EBF1: variants seen among roughly 807,000 people sequenced by gnomAD.
EBF1 encodes EBF transcription factor 1.
EBF1 carries 10 observed loss-of-function variants against 68.4 expected under a neutral mutation model. The ratio of observed to expected loss-of-function variants is 0.15; its 90% CI spans 0.09 to 0.25. EBF1 has a LOEUF of 0.25. Among genes scored for constraint, EBF1 ranks in the 10% least tolerant of loss-of-function variants. The pLI is 1.00. For missense variants in EBF1, 509 were observed against 794.4 expected (o/e 0.64, Z 4.32); for synonymous variants, 298 against 299.8 (o/e 0.99, Z 0.06).
intron 6 of EBF1, among the ~76,000 whole-genome samples, chr5:158,872,767 G>A (rs1004254286): frequency 6.6e-6 from 1 of 152,008 alleles, no homozygotes; most frequent in Non-Finnish European, 1.5e-5. Flanking sequence ...TTTTCTGTGT[G>A]TACATTTTTG....
intron 6 of EBF1, among the ~76,000 whole-genome samples, chr5:159,005,440 T>C (rs1320561272): frequency 6.6e-6 from 1 of 152,226 alleles, no homozygotes; most frequent in East Asian, 1.9e-4. Context: ...TTATTCTGTA[T>C]TCCAAGGGAC....
At chr5:158,900,506 G>A (rs758342184) in intron 6 of EBF1, among the ~76,000 whole-genome samples, 185 of 152,310 alleles carry the variant, frequency 1.2e-3, no homozygotes, top group African/African-American at 2.2e-3. Context: ...CATGAGGCCC[G>A]GAAATTGATA....
At chr5:158,722,170 A>G (rs1255843870) in intron 11 of EBF1, among the ~76,000 whole-genome samples, 1 of 152,162 alleles carries the variant, frequency 6.6e-6, no homozygotes, top group Non-Finnish European at 1.5e-5. Context: ...TGATCAGGAT[A>G]AAAGTCTCTG....
intron 6 of EBF1, among the ~76,000 whole-genome samples, chr5:159,065,853 T>A (rs981526028): frequency 6.6e-6 from 1 of 152,142 alleles, no homozygotes; most frequent in African/African-American, 2.4e-5. Context: ...CAGGGTAGGA[T>A]TTACTGGCAT....
intron 1 of EBF1, among the ~76,000 whole-genome samples, chr5:159,098,889 GAAAGAA>G (rs1183767188): frequency 5.3e-5 from 7 of 132,662 alleles, no homozygotes; most frequent in South Asian, 2.5e-4. Context: ...AAGAAAAAAA[GAAAGAA>G]AAAGAAAAAA....
intron 10 of EBF1, 125 bp downstream of exon 10, chr5:158,777,288 G>A (rs1775489358): frequency 8.8e-7 from 1 of 1,141,900 alleles, no homozygotes. Context: ...ATGGTAAAAT[G>A]AAGAAAGAAA....
intron 6 of EBF1, among the ~76,000 whole-genome samples, chr5:158,972,115 A>T (rs1561670661): frequency 6.6e-6 from 1 of 152,096 alleles, no homozygotes; most frequent in African/African-American, 2.4e-5. Context: ...GTCCGTGCTG[A>T]TTGTCCATGA....
chr5:158,738,640 C>T (rs533734962), intron 10 of EBF1, among the ~76,000 whole-genome samples: 5 of 152,182 alleles, frequency 3.3e-5, no homozygotes, highest in African/African-American at 7.2e-5. Flanking sequence ...ATGCCCTTGA[C>T]GTAAATGTTA....
intron 6 of EBF1, among the ~76,000 whole-genome samples, chr5:159,010,076 T>C (rs961730164): frequency 2.6e-5 from 4 of 152,244 alleles, no homozygotes; most frequent in African/African-American, 9.6e-5. Flanking sequence ...TGAATGATGA[T>C]GCCAGGTGAG....
intron 6 of EBF1, among the ~76,000 whole-genome samples, chr5:158,904,371 C>T (rs1408784812): frequency 6.6e-6 from 1 of 152,198 alleles, no homozygotes; most frequent in African/African-American, 2.4e-5. Flanking sequence ...GGACTAAATG[C>T]CATTCATTAC....
intron 6 of EBF1, among the ~76,000 whole-genome samples, chr5:159,016,654 A>AGGGCC (rs1462802821): frequency 3.9e-5 from 6 of 152,202 alleles, no homozygotes; most frequent in African/African-American, 1.4e-4. Flanking sequence ...CTATGACTGC[A>AGGGCC]ATGCCAGGTG....
At position 159,040,862 on chromosome 5, in the gene EBF1, A is replaced by G. The variant is rs554911183; in HGVS notation, c.554+32534T>C. On this transcript the variant is annotated intron_variant, in intron 6 of 15. Coordinates refer to ENST00000313708, the MANE Select transcript of EBF1 (RefSeq NM_024007.5). ...TCCTGCTGGTAAGCACATAGCTTTCACTGATGCCGATGGGGGTGACATATA... is the reference window on the plus strand; with the variant it reads ...TCCTGCTGGTAAGCACATAGCTTTCGCTGATGCCGATGGGGGTGACATATA... 3.3e-5 allele frequency among the ~76,000 whole-genome samples: 5 copies of G among 152,336 alleles called. No individual in the cohort carries two copies. The South Asian group carries it at 1.0e-3, about 32-fold the overall frequency.
chr5:158,968,499 CT>C (rs1202176206), intron 6 of EBF1, among the ~76,000 whole-genome samples: 5 of 152,186 alleles, frequency 3.3e-5, no homozygotes, highest in African/African-American at 9.6e-5. Flanking sequence ...CAGAATGTCT[CT>C]TGTTTTTCTG....
chr5:158,779,940 A>T (rs1015033467), intron 9 of EBF1, among the ~76,000 whole-genome samples: 1 of 152,170 alleles, frequency 6.6e-6, no homozygotes, highest in African/African-American at 2.4e-5. Flanking sequence ...TAAAGCAGAG[A>T]TTCCTTCTAA....
chr5:158,819,492 A>G (rs1395792194), intron 8 of EBF1, among the ~76,000 whole-genome samples: 1 of 152,242 alleles, frequency 6.6e-6, no homozygotes, highest in East Asian at 1.9e-4. Flanking sequence ...CCTTGAATTC[A>G]AGTAAACACA....
chr5:158,717,727 T>C (rs1440096824), intron 11 of EBF1, among the ~76,000 whole-genome samples: 6 of 152,110 alleles, frequency 3.9e-5, no homozygotes, highest in Admixed American at 2.6e-4. Context: ...GAGGTAATGT[T>C]TGTTCTCCAA....
chr5:158,788,581 T>C (rs1777924895), intron 9 of EBF1, among the ~76,000 whole-genome samples: 1 of 152,184 alleles, frequency 6.6e-6, no homozygotes, highest in African/African-American at 2.4e-5. Context: ...GAAGGCTTTA[T>C]TTAGTTCAGG....
At chr5:158,895,516 C>T (rs1056025521) in intron 6 of EBF1, among the ~76,000 whole-genome samples, 2 of 152,102 alleles carry the variant, frequency 1.3e-5, no homozygotes, top group African/African-American at 2.4e-5. Context: ...TCACAATAAT[C>T]GATGCCAAAT....
intron 6 of EBF1, among the ~76,000 whole-genome samples, chr5:158,872,996 A>ATTTTTTTTTTTTTT (rs539493620): frequency 4.9e-5 from 4 of 81,122 alleles, no homozygotes; most frequent in African/African-American, 9.9e-5. Flanking sequence ...AATGACACTA[A>ATTTTTTTTTTTTTT]TTTTTTTTTT....
Sources: allele counts gnomAD v4.1 joint callset (sites outside exome capture counted in the v4.1 genomes callset), GRCh38; gene constraint gnomAD v4.1.1; transcripts MANE v1.5; gene names NCBI Gene and HGNC (gene_info 2026-07-23, HGNC 2026-07-21).